Variants in BRINP3 observed in about 807,000 individuals in gnomAD.
BRINP3 encodes the protein BMP/retinoic acid inducible neural specific 3, also known as BMP/retinoic acid-inducible neural-specific protein 3.
BRINP3 carries 19 observed loss-of-function variants against 71.0 expected under a neutral mutation model. That is an observed-to-expected ratio of 0.27 (90% confidence interval 0.19 to 0.39). BRINP3 has a LOEUF of 0.39. BRINP3 is among the 10% of genes least tolerant of loss of function. The probability of loss-of-function intolerance (pLI) is 1.00; values close to 1 mark genes in which losing one functional copy is unlikely to be tolerated. For missense variants in BRINP3, 959 were observed against 940.8 expected (o/e 1.02, Z -0.25); for synonymous variants, 380 against 337.7 (o/e 1.13, Z -1.37).
At chr1:190,460,360 T>G (rs1456881135) in intron 1 of BRINP3, among the ~76,000 whole-genome samples, 1 of 151,534 alleles carries the variant, frequency 6.6e-6, no homozygotes. Context: ...GATTATTCAT[T>G]TAAATAAATA....
intron 1 of BRINP3, among the ~76,000 whole-genome samples, chr1:190,458,337 T>C (rs947982549): frequency 1.3e-5 from 2 of 152,136 alleles, no homozygotes; most frequent in Non-Finnish European, 2.9e-5. Flanking sequence ...GATATCCCAA[T>C]AAAGTTATAC....
Position 190,180,647 on chromosome 1 carries a change from T to C in BRINP3, c.962-19757A>G, listed in dbSNP as rs75797620. 5.2e-3 allele frequency among the ~76,000 whole-genome samples: 794 copies of C among 152,164 alleles called. 5 individuals carry two copies. The highest frequency in any genetic ancestry group is 0.018 in the African/African-American group (753 of 41,538). ...TTAAATGAATTGATAAATAAATTGCTTAACAAGTCACTCATTATTAGCTAC... is the reference window on the plus strand; with the variant it reads ...TTAAATGAATTGATAAATAAATTGCCTAACAAGTCACTCATTATTAGCTAC... On this transcript the variant is annotated intron_variant, in intron 6 of 7. Coordinates refer to ENST00000367462, the MANE Select transcript of BRINP3 (RefSeq NM_199051.3).
At chr1:190,161,521 G>A (rs1044398141) in intron 6 of BRINP3, among the ~76,000 whole-genome samples, 1 of 151,790 alleles carries the variant, frequency 6.6e-6, no homozygotes, top group African/African-American at 2.4e-5. Context: ...TAAAACATGA[G>A]TACATGCTAA....
intron 7 of BRINP3, among the ~76,000 whole-genome samples, chr1:190,153,798 C>A (rs1656627974): frequency 6.6e-6 from 1 of 152,080 alleles, no homozygotes; most frequent in Admixed American, 6.6e-5. Context: ...GATGTCAAGG[C>A]CACAGTGAGC....
At chr1:190,442,228 CTTTATGAATTTTAA>C (rs1674871782) in intron 2 of BRINP3, among the ~76,000 whole-genome samples, 1 of 152,184 alleles carries the variant, frequency 6.6e-6, no homozygotes, top group Non-Finnish European at 1.5e-5. Flanking sequence ...TGAGAAAATA[CTTTATGAATTTTAA>C]TGAGGTATGT....
At chr1:190,202,712 G>A (rs1024941271) in intron 6 of BRINP3, among the ~76,000 whole-genome samples, 4 of 151,994 alleles carry the variant, frequency 2.6e-5, no homozygotes, top group African/African-American at 9.7e-5. Flanking sequence ...TTAAAAAATG[G>A]GAGTTTGTCT....
chr1:190,349,674 C>T (rs895612017), intron 2 of BRINP3, among the ~76,000 whole-genome samples: 1 of 152,092 alleles, frequency 6.6e-6, no homozygotes. Context: ...ACTTTGCATT[C>T]TTCACATAAC....
chr1:190,306,227 CA>C (rs533801821), intron 2 of BRINP3, among the ~76,000 whole-genome samples: 215 of 142,436 alleles, frequency 1.5e-3, no homozygotes, highest in African/African-American at 3.4e-3. Flanking sequence ...TAGTGCTGTC[CA>C]AAAAAAAAAA....
chr1:190,475,742 G>A (rs1677454346), intron 1 of BRINP3: 1 of 152,158 alleles, frequency 6.6e-6, no homozygotes, highest in Admixed American at 6.5e-5. Context: ...CCTTTCACAC[G>A]CTTGAGCTTC....
chr1:190,247,257 C>A (rs939096771), intron 4 of BRINP3, among the ~76,000 whole-genome samples: 1 of 151,792 alleles, frequency 6.6e-6, no homozygotes, highest in Non-Finnish European at 1.5e-5. Context: ...CAGGAGTATT[C>A]TCCCCAGATA....
chr1:190,154,578 C>T (rs1656701190), intron 7 of BRINP3, among the ~76,000 whole-genome samples: 1 of 152,140 alleles, frequency 6.6e-6, no homozygotes, highest in Admixed American at 6.6e-5. Context: ...CACCAAACTG[C>T]TCTCCTAGTG....
At chr1:190,413,076 T>C (rs1445405567) in intron 2 of BRINP3, among the ~76,000 whole-genome samples, 1 of 152,186 alleles carries the variant, frequency 6.6e-6, no homozygotes, top group South Asian at 2.1e-4. Flanking sequence ...AAAGAACTTT[T>C]GGACACTGTG....
intron 2 of BRINP3, among the ~76,000 whole-genome samples, chr1:190,337,934 T>G (rs1392445556): frequency 1.3e-5 from 2 of 152,072 alleles, no homozygotes; most frequent in African/African-American, 4.8e-5. Context: ...CTTGTCATAC[T>G]TTTATACGTG....
intron 4 of BRINP3, among the ~76,000 whole-genome samples, chr1:190,261,157 C>T (rs1008846849): frequency 6.6e-6 from 1 of 151,852 alleles, no homozygotes; most frequent in Non-Finnish European, 1.5e-5. Context: ...TCAAAATATA[C>T]AATGTATTGT....
At chr1:190,340,568 C>G (rs965766576) in intron 2 of BRINP3, among the ~76,000 whole-genome samples, 2 of 151,774 alleles carry the variant, frequency 1.3e-5, no homozygotes, top group Non-Finnish European at 2.9e-5. Flanking sequence ...TTCAGATTGA[C>G]CAAGCAAGTC....
At chr1:190,268,175 C>T (rs1177641499) in intron 3 of BRINP3, among the ~76,000 whole-genome samples, 1 of 152,068 alleles carries the variant, frequency 6.6e-6, no homozygotes. Flanking sequence ...AACAAAAACG[C>T]TGCTATCCTC....
intron 2 of BRINP3, among the ~76,000 whole-genome samples, chr1:190,346,777 T>A (rs947676760): frequency 6.6e-6 from 1 of 152,142 alleles, no homozygotes; most frequent in African/African-American, 2.4e-5. Context: ...ATAGTATACT[T>A]ACATCTTCTT....
At chr1:190,305,521 C>T (rs1665033106) in intron 2 of BRINP3, among the ~76,000 whole-genome samples, 1 of 151,460 alleles carries the variant, frequency 6.6e-6, no homozygotes, top group Non-Finnish European at 1.5e-5. Flanking sequence ...TGCATTATCT[C>T]ACTAATATAT....
chr1:190,458,952 T>A (rs1367627165), intron 1 of BRINP3, among the ~76,000 whole-genome samples: 1 of 151,366 alleles, frequency 6.6e-6, no homozygotes, highest in Admixed American at 6.6e-5. Context: ...TAAAAGAGAA[T>A]GAAGAACACA....
Sources: allele counts gnomAD v4.1 joint callset (sites outside exome capture counted in the v4.1 genomes callset), GRCh38; gene constraint gnomAD v4.1.1; transcripts MANE v1.5; gene names NCBI Gene and HGNC (gene_info 2026-07-23, HGNC 2026-07-21).